Variants in RANBP2 observed in about 807,000 individuals in gnomAD.
RANBP2 encodes the protein RAN binding protein 2.
A neutral mutation model predicts 303.6 loss-of-function variants in RANBP2; 57 were observed. The observed-to-expected ratio is 0.19, with a 90% CI of 0.15 to 0.23. RANBP2 has a LOEUF of 0.23. Ranked by LOEUF, RANBP2 falls within the 10% of genes least tolerant of loss-of-function variation. The pLI, the probability that RANBP2 is intolerant of heterozygous loss-of-function variation, is 1.00. For missense variants in RANBP2, 3,138 were observed against 3,780.8 expected (o/e 0.83, Z 4.46); for synonymous variants, 1,167 against 1,301.5 (o/e 0.90, Z 2.23).
chr2:109,445,965 C>T, the RANBP2 span, among the ~76,000 whole-genome samples: 1 of 151,934 alleles, frequency 6.6e-6, no homozygotes, highest in Non-Finnish European at 1.5e-5. Flanking sequence ...CTGAAACACA[C>T]CAAAAGTTTA....
At chr2:109,001,052 G>T in the RANBP2 span, among the ~76,000 whole-genome samples, 8 of 152,180 alleles carry the variant, frequency 5.3e-5, no homozygotes, top group Admixed American at 4.6e-4. Context: ...CCCATTGTAG[G>T]TTTCCTGTTT....
chr2:108,980,533 T>C, the RANBP2 span, among the ~76,000 whole-genome samples: 17 of 152,162 alleles, frequency 1.1e-4, no homozygotes, highest in African/African-American at 4.1e-4. Flanking sequence ...TACATATATA[T>C]ATTTATGTGA....
the RANBP2 span, among the ~76,000 whole-genome samples, chr2:109,538,479 A>C: frequency 2.0e-5 from 3 of 152,226 alleles, no homozygotes; most frequent in African/African-American, 7.2e-5. Context: ...AAGGATTCAC[A>C]AATAAAGTTA....
the RANBP2 span, among the ~76,000 whole-genome samples, chr2:108,812,269 A>G: frequency 2.0e-5 from 3 of 152,134 alleles, no homozygotes; most frequent in Admixed American, 6.5e-5. Context: ...CAGTAATGCA[A>G]TCCCAGTTAT....
the RANBP2 span, among the ~76,000 whole-genome samples, chr2:109,394,344 C>T: frequency 1.3e-5 from 2 of 152,232 alleles, no homozygotes; most frequent in East Asian, 3.9e-4. Context: ...CCTGGCCCAA[C>T]CTTTACTGTC....
chr2:109,260,052 T>G, the RANBP2 span, among the ~76,000 whole-genome samples: 1 of 152,200 alleles, frequency 6.6e-6, no homozygotes, highest in African/African-American at 2.4e-5. Context: ...GGAGGGTTAT[T>G]TGTGATGTTT....
At chr2:109,024,428 A>C in the RANBP2 span, among the ~76,000 whole-genome samples, 1 of 152,224 alleles carries the variant, frequency 6.6e-6, no homozygotes, top group Non-Finnish European at 1.5e-5. Context: ...CGAAAATCTC[A>C]AAACTTTGCA....
chr2:108,968,397 T>G, the RANBP2 span, among the ~76,000 whole-genome samples: 1 of 152,204 alleles, frequency 6.6e-6, no homozygotes. Flanking sequence ...TCCTTTTGAC[T>G]GTTGAAGTTT....
At chr2:108,817,824 G>A in the RANBP2 span, among the ~76,000 whole-genome samples, 3 of 152,260 alleles carry the variant, frequency 2.0e-5, no homozygotes, top group Non-Finnish European at 4.4e-5. Context: ...TAATGAATTT[G>A]TGTTGTTTAA....
the RANBP2 span, chr2:109,371,514 C>G: frequency 7.7e-7 from 1 of 1,303,068 alleles, no homozygotes; most frequent in Non-Finnish European, 1.1e-6. Context: ...ACAGTACTAA[C>G]CAGTGTCTTG....
the RANBP2 span, chr2:109,585,709 G>C: frequency 1.3e-6 from 2 of 1,554,072 alleles, no homozygotes; most frequent in Non-Finnish European, 1.8e-6. Context: ...AGGAAGAGTA[G>C]GTGGCACGTA....
chr2:109,731,044 T>C, the RANBP2 span, among the ~76,000 whole-genome samples: 1 of 152,096 alleles, frequency 6.6e-6, no homozygotes, highest in Non-Finnish European at 1.5e-5. Context: ...CGCCTTGGGC[T>C]CCCAAATTGC....
chr2:109,295,613 A>G, the RANBP2 span, among the ~76,000 whole-genome samples: 1 of 152,202 alleles, frequency 6.6e-6, no homozygotes, highest in South Asian at 2.1e-4. Flanking sequence ...GCCACCTGCA[A>G]GTGCCCAGGC....
the RANBP2 span, among the ~76,000 whole-genome samples, chr2:109,227,863 T>G: frequency 6.6e-6 from 1 of 152,338 alleles, no homozygotes; most frequent in African/African-American, 2.4e-5. Context: ...TCGCTCCGCC[T>G]TTCATCGGTT....
the RANBP2 span, among the ~76,000 whole-genome samples, chr2:109,427,627 G>A: frequency 6.6e-6 from 1 of 152,216 alleles, no homozygotes; most frequent in East Asian, 1.9e-4. Context: ...AAGTGTCAAA[G>A]GTGCTCAGTT....
chr2:109,341,512 G>T, the RANBP2 span, among the ~76,000 whole-genome samples: 1 of 152,182 alleles, frequency 6.6e-6, no homozygotes, highest in African/African-American at 2.4e-5. Context: ...TAAAGAAATT[G>T]TAAATACACC....
At chr2:109,000,992 G>A in the RANBP2 span, among the ~76,000 whole-genome samples, 2 of 152,180 alleles carry the variant, frequency 1.3e-5, no homozygotes, top group African/African-American at 4.8e-5. Flanking sequence ...GAGCCTCTGA[G>A]TTTAGCATCC....
chr2:109,324,903 G>C, the RANBP2 span, among the ~76,000 whole-genome samples: 1 of 152,182 alleles, frequency 6.6e-6, no homozygotes, highest in South Asian at 2.1e-4. Context: ...TGGAGCTGTC[G>C]CTTCCCCAAA....
At chr2:109,371,710 G>T in the RANBP2 span, 2 of 1,596,820 alleles carry the variant, frequency 1.3e-6, no homozygotes, top group Non-Finnish European at 1.7e-6. Flanking sequence ...CCCACACTTG[G>T]CTCCTTCTTG....
Sources: gnomAD v4.1 joint callset for allele counts (sites outside exome capture counted in the v4.1 genomes callset) on GRCh38, gnomAD v4.1.1 for gene constraint, MANE v1.5 for transcripts, NCBI Gene and HGNC (gene_info 2026-07-23, HGNC 2026-07-21) for gene names.